MCC: variants seen among roughly 807,000 people sequenced by gnomAD.
MCC encodes MCC regulator of Wnt signaling pathway.
In MCC, 90 loss-of-function variants were observed where a neutral mutation model predicts 116.2. That is an observed-to-expected ratio of 0.77 (90% CI 0.65 to 0.92). The LOEUF (loss-of-function observed/expected upper bound fraction) is 0.92. MCC is among the 40% of genes least tolerant of loss of function. The pLI is 0.00. For missense variants in MCC, 1,516 were observed against 1,312.2 expected, an observed-to-expected ratio of 1.16 and a Z score of -2.40; for synonymous variants, 578 against 510.5, an observed-to-expected ratio of 1.13 and a Z score of -1.78.
chr5:113,116,395 G>A (rs930529795), intron 6 of MCC, among the ~76,000 whole-genome samples: 1 of 152,302 alleles, frequency 6.6e-6, no homozygotes, highest in Middle Eastern at 3.4e-3. Context: ...CTGGTTTCAG[G>A]AGCTAACACT....
intron 3 of MCC, among the ~76,000 whole-genome samples, chr5:113,251,672 C>T (rs567960360): frequency 2.0e-5 from 3 of 152,072 alleles, no homozygotes; most frequent in Non-Finnish European, 2.9e-5. Flanking sequence ...TCAAAAAAGG[C>T]GATAAATTCA....
At chr5:113,288,243 C>T (rs1180834197) in intron 3 of MCC, among the ~76,000 whole-genome samples, 2 of 152,256 alleles carry the variant, frequency 1.3e-5, no homozygotes, top group African/African-American at 4.8e-5. Context: ...TGCAGCCCCA[C>T]AGTGATTTGG....
chr5:113,455,943 T>C (rs888672407), intron 1 of MCC, among the ~76,000 whole-genome samples: 1 of 152,142 alleles, frequency 6.6e-6, no homozygotes, highest in African/African-American at 2.4e-5. Flanking sequence ...AAAGGGTAAA[T>C]AAACTGACCA....
chr5:113,231,760 G>A (rs546663251), intron 3 of MCC, among the ~76,000 whole-genome samples: 3 of 152,244 alleles, frequency 2.0e-5, no homozygotes, highest in African/African-American at 7.2e-5. Context: ...AATATGTATT[G>A]AACTTTGAGA....
chr5:113,093,346 G>A (rs898653921), intron 8 of MCC, among the ~76,000 whole-genome samples: 8 of 152,166 alleles, frequency 5.3e-5, no homozygotes, highest in Admixed American at 2.0e-4. Flanking sequence ...TGCTATGCAG[G>A]AGGATCGCTT....
At position 113,064,055 on chromosome 5, in the gene MCC, ACAGC is replaced by A; in HGVS notation, c.2138_2141del (p.Ser713MetfsTer46). The stretch of plus-strand genomic sequence containing the variant: ...AGCCGGCCACGGCAAAGGCTCCCCC[ACAGC>A]TGCCGTCCAGCTTCATGAGCAGGGC... On this transcript the variant is annotated frameshift_variant, in exon 14 of 19. Transcript: ENST00000408903. LOFTEE classifies it high-confidence loss of function. The A allele has an allele frequency of 6.2e-7, 1 of 1,614,196 alleles. No homozygotes were observed. Among genetic ancestry groups the A allele is most frequent in the African/African-American group, 1.3e-5 (1 of 75,058 alleles).
chr5:113,233,009 G>T (rs796281937), intron 3 of MCC, among the ~76,000 whole-genome samples: 36 of 152,280 alleles, frequency 2.4e-4, no homozygotes, highest in African/African-American at 8.7e-4. Flanking sequence ...TCTTTTATAA[G>T]TCTTGTTACA....
chr5:113,477,687 T>C (rs1302534987), intron 1 of MCC, among the ~76,000 whole-genome samples: 1 of 152,050 alleles, frequency 6.6e-6, no homozygotes, highest in Non-Finnish European at 1.5e-5. Context: ...AAGGAATGCT[T>C]TAGATAAAAG....
intron 3 of MCC, among the ~76,000 whole-genome samples, chr5:113,156,033 G>C (rs556216694): frequency 1.3e-5 from 2 of 152,130 alleles, no homozygotes; most frequent in Non-Finnish European, 2.9e-5. Flanking sequence ...CTTATGTGAT[G>C]GATGGAGCTC....
chr5:113,050,788 C>T (rs761770138), intron 15 of MCC, among the ~76,000 whole-genome samples: 1 of 152,208 alleles, frequency 6.6e-6, no homozygotes, highest in Non-Finnish European at 1.5e-5. Context: ...CCAGAGAGAA[C>T]GGCAAGGAGG....
At chr5:113,143,117 TA>T in intron 5 of MCC, 100 bp downstream of exon 5, 1 of 1,288,778 alleles carries the variant, frequency 7.8e-7, no homozygotes, top group East Asian at 2.5e-5. Context: ...ATCTACAAAC[TA>T]GAACTTCGGT....
intron 2 of MCC, among the ~76,000 whole-genome samples, chr5:113,341,167 CTTCCTTCCTTCCT>C (rs1337817304): frequency 2.0e-5 from 3 of 149,670 alleles, no homozygotes; most frequent in Non-Finnish European, 4.4e-5. Flanking sequence ...TCTTTTTCTC[CTTCCTTCCTTCCT>C]TTCCTTCCTT....
At chr5:113,090,875 C>CA (rs1356108671) in intron 8 of MCC, among the ~76,000 whole-genome samples, 4 of 152,150 alleles carry the variant, frequency 2.6e-5, no homozygotes, top group Non-Finnish European at 5.9e-5. Flanking sequence ...AATTCATTGC[C>CA]AAGGTCAAAA....
intron 3 of MCC, among the ~76,000 whole-genome samples, chr5:113,171,540 A>C (rs1184582326): frequency 1.3e-5 from 2 of 151,982 alleles, no homozygotes; most frequent in African/African-American, 4.8e-5. Flanking sequence ...TTTTTAATAG[A>C]GACAGGGTTT....
intron 5 of MCC, 93 bp from the exon 6 acceptor site, chr5:113,122,919 G>T (rs888064467): frequency 6.0e-6 from 8 of 1,344,078 alleles, no homozygotes; most frequent in Non-Finnish European, 8.3e-6. Context: ...AAGACATTGA[G>T]AGAGAAAACA....
intron 3 of MCC, among the ~76,000 whole-genome samples, chr5:113,320,756 A>G (rs1451919457): frequency 3.9e-5 from 6 of 152,194 alleles, no homozygotes; most frequent in African/African-American, 9.6e-5. Context: ...CTGGCACAAA[A>G]ACACTGCTAA....
At chr5:113,042,210 G>A (rs1751752532) in intron 17 of MCC, among the ~76,000 whole-genome samples, 1 of 151,596 alleles carries the variant, frequency 6.6e-6, no homozygotes, top group African/African-American at 2.4e-5. Context: ...GGCACTGCAT[G>A]CCTGTAATCC....
chr5:113,268,878 C>T (rs544890138), intron 3 of MCC, among the ~76,000 whole-genome samples: 1 of 152,254 alleles, frequency 6.6e-6, no homozygotes, highest in African/African-American at 2.4e-5. Context: ...AACAGTTTTA[C>T]TCAATGGTAT....
At chr5:113,367,198 G>A (rs1039287951) in intron 2 of MCC, among the ~76,000 whole-genome samples, 15 of 151,866 alleles carry the variant, frequency 9.9e-5, no homozygotes, top group Non-Finnish European at 1.6e-4. Context: ...TGTAAATAAT[G>A]AATATGCAAA....
Sources: allele counts gnomAD v4.1 joint callset (sites outside exome capture counted in the v4.1 genomes callset), GRCh38; gene constraint gnomAD v4.1.1; transcripts MANE v1.5; gene names NCBI Gene and HGNC (gene_info 2026-07-23, HGNC 2026-07-21).